Variants in GNB5 observed in about 807,000 individuals in gnomAD.
GNB5 encodes G protein subunit beta 5, also known as guanine nucleotide-binding protein subunit beta-5.
Under a neutral mutation model 55.3 loss-of-function variants are expected in GNB5, and 37 were observed. That is an observed-to-expected ratio of 0.67 (90% confidence interval 0.51 to 0.88). GNB5 has a LOEUF of 0.88. Among genes scored for constraint, GNB5 ranks in the 40% least tolerant of loss-of-function variants. The pLI is 0.00. For synonymous variants in GNB5, 219 were observed against 198.5 expected (o/e 1.10, Z -0.87); for missense variants, 476 against 515.3 (o/e 0.92, Z 0.74).
intron 7 of GNB5, chr15:52,138,685 T>C (rs1400532374): frequency 6.6e-6 from 1 of 152,216 alleles, no homozygotes; most frequent in Admixed American, 6.5e-5. Context: ...TCCAACTCAC[T>C]GCTTTCCTAA....
At chr15:52,183,536 A>G (rs569748778) in intron 2 of GNB5, among the ~76,000 whole-genome samples, 17 of 152,230 alleles carry the variant, frequency 1.1e-4, no homozygotes, top group South Asian at 6.2e-4. Context: ...TTTACTTGCT[A>G]TTTGCTTTAA....
In GNB5 at chr15:52,122,728, G is replaced by A. The variant is rs1467396735; in HGVS notation, c.*29C>T. Reference sequence around the variant, plus strand: ...ACATGTGAAGATTTCAAATTCTCAGGTATACATGAGTGCACTGTCAGAAGA... The same window carrying A: ...ACATGTGAAGATTTCAAATTCTCAGATATACATGAGTGCACTGTCAGAAGA... On this transcript the variant is annotated 3_prime_UTR_variant, in exon 13 of 13. Transcript: ENST00000261837. The A allele has an allele frequency of 1.9e-6, 3 of 1,546,010 alleles. No homozygotes were observed. Among genetic ancestry groups the A allele is most frequent in the African/African-American group, 2.7e-5 (2 of 73,632 alleles).
At chr15:52,180,035 T>G in intron 2 of GNB5, 156 bp from the exon 3 acceptor site, 1 of 1,011,314 alleles carries the variant, frequency 9.9e-7, no homozygotes, top group Non-Finnish European at 1.3e-6. Context: ...CTGCTGCGCC[T>G]GAGCCCCAAG....
intron 3 of GNB5, 105 bp from the exon 4 acceptor site, chr15:52,154,181 G>A: frequency 9.9e-7 from 1 of 1,009,264 alleles, no homozygotes; most frequent in Non-Finnish European, 1.4e-6. Flanking sequence ...CGGCCCCATG[G>A]GCTTCCTCCA....
chr15:52,184,635 A>G lies in GNB5; in HGVS notation c.42T>C (p.Cys14=). The change falls in exon 2 of 13, where the codon TGT becomes TGC. Residue 14 remains cysteine, a synonymous_variant. Coordinates refer to ENST00000261837, the MANE Select transcript of GNB5 (RefSeq NM_016194.4). The part of the protein sequence containing the change: ...QTFLVNVFGS[C]DKCFKQRALR... ...GAGCTCGTTGTTTGAAACATTTGTC[A>G]CATGAGCCAAATACATTAACGAGAA... 1 of 1,612,718 alleles carries G rather than the reference A, an allele frequency of 6.2e-7. No homozygotes were observed. The highest frequency in any genetic ancestry group is 8.5e-7 in the Non-Finnish European group (1 of 1,178,622).
At chr15:52,160,073 G>C (rs1490402561) in intron 3 of GNB5, among the ~76,000 whole-genome samples, 1 of 151,612 alleles carries the variant, frequency 6.6e-6, no homozygotes, top group East Asian at 1.9e-4. Flanking sequence ...TCAGCCTCCT[G>C]AGTAGCTGGA....
chr15:52,135,798 T>G, intron 7 of GNB5, 42 bp from the exon 8 acceptor site: 4 of 1,604,842 alleles, frequency 2.5e-6, no homozygotes, highest in Non-Finnish European at 3.4e-6. Context: ...TTGTGGTTAT[T>G]GCTTATGCCG....
rs370908779 is a variant in GNB5 at position 52,147,524 on chromosome 15, G to A, written c.429C>T (p.Val143=). 4 of 1,589,624 alleles carry A rather than the reference G, an allele frequency of 2.5e-6. No homozygotes were observed. The highest frequency in any genetic ancestry group is 2.7e-5 in the African/African-American group (2 of 73,974). The change falls in exon 6 of 13, where the codon GTC becomes GTT. Residue 143 remains valine (V), a synonymous_variant. Coordinates refer to ENST00000261837, the MANE Select transcript of GNB5 (RefSeq NM_016194.4). ...DSFTTNKEHA[V]TMPCTWVMAC... Reference sequence around the variant, plus strand: ...CCATCACCCACGTGCAGGGCATGGTGACCGCGTGCTCCTGAAACACAGCAC... The same window carrying A: ...CCATCACCCACGTGCAGGGCATGGTAACCGCGTGCTCCTGAAACACAGCAC...
intron 3 of GNB5, among the ~76,000 whole-genome samples, chr15:52,178,201 G>A (rs561968852): frequency 2.0e-5 from 3 of 152,142 alleles, no homozygotes; most frequent in Non-Finnish European, 4.4e-5. Flanking sequence ...GGGGGAATCC[G>A]GGTCCCAACA....
At chr15:52,146,018 G>A (rs1240263173) in intron 6 of GNB5, among the ~76,000 whole-genome samples, 4 of 146,032 alleles carry the variant, frequency 2.7e-5, no homozygotes, top group African/African-American at 7.6e-5. Flanking sequence ...GTGCAGTGGC[G>A]CGATCTTGGC....
At chr15:52,125,640 G>A in intron 11 of GNB5, 1 of 215,812 alleles carries the variant, frequency 4.6e-6, no homozygotes. Context: ...GGCATGAAGA[G>A]AAGCAAAGGC....
intron 9 of GNB5, among the ~76,000 whole-genome samples, chr15:52,130,087 G>A (rs560301088): frequency 6.6e-6 from 1 of 152,278 alleles, no homozygotes; most frequent in African/African-American, 2.4e-5. Flanking sequence ...GGCCAGTGGG[G>A]GCAGGAGACT....
intron 3 of GNB5, among the ~76,000 whole-genome samples, chr15:52,172,532 C>A (rs555731275): frequency 6.6e-6 from 1 of 152,128 alleles, no homozygotes; most frequent in Admixed American, 6.5e-5. Flanking sequence ...GTAATCCCAG[C>A]ACTTTGGGAG....
intron 4 of GNB5, 117 bp from the exon 5 acceptor site, chr15:52,150,042 G>A: frequency 1.3e-6 from 1 of 766,660 alleles, no homozygotes; most frequent in Non-Finnish European, 2.3e-6. Context: ...CCAGAATGAG[G>A]ATCTGGATAA....
rs769678000 is a variant in GNB5, at chr15:52,117,100, A to C, written c.*5657T>G. 1 of 84,222 alleles carries C rather than the reference A, an allele frequency of 1.2e-5. No homozygotes were observed. Among genetic ancestry groups the C allele is most frequent in the Non-Finnish European group, 2.0e-5 (1 of 50,706 alleles). The allele number at this position is 84,222 out of a possible 1,614,324, so 5.2% of individuals were successfully genotyped here. On this transcript the variant is annotated 3_prime_UTR_variant, in exon 13 of 13. Transcript: ENST00000261837. ...CACCACGCCCAGCTAATATATATAT[A>C]TATTTTTTTTTAGTACAGACAGGGT...
intron 3 of GNB5, among the ~76,000 whole-genome samples, chr15:52,159,125 T>C (rs144929386): frequency 2.2e-3 from 336 of 152,244 alleles, no homozygotes; most frequent in Non-Finnish European, 3.8e-3. Context: ...TCAATATTTT[T>C]TAGGGGTGGA....
intron 3 of GNB5, among the ~76,000 whole-genome samples, chr15:52,177,044 T>C (rs1001714614): frequency 6.9e-6 from 1 of 144,994 alleles, no homozygotes; most frequent in Non-Finnish European, 1.5e-5. Context: ...TTTTTTTTTT[T>C]TTTTTTTTGA....
In GNB5 at chr15:52,126,284, C is replaced by A. The variant is rs563752694; in HGVS notation, c.913-240G>T. On this transcript the variant is annotated intron_variant, in intron 10 of 12. Transcript: ENST00000261837. ...GTCAGTAAAGAAACGGCAAATACAG[C>A]AAATTTCTTCAGGTATAAAAACAAA... Among the ~76,000 whole-genome samples, 8 of 152,268 alleles carry A rather than the reference C, an allele frequency of 5.3e-5. No individual in the cohort carries two copies. The South Asian group carries it at 1.2e-3, about 24-fold the overall frequency.
intron 3 of GNB5, among the ~76,000 whole-genome samples, chr15:52,154,613 G>C (rs1437941618): frequency 1.3e-5 from 2 of 152,130 alleles, no homozygotes; most frequent in African/African-American, 4.8e-5. Flanking sequence ...GTTCCAACAG[G>C]ACTATAAGGT....
Sources: gnomAD v4.1 joint callset for allele counts (sites outside exome capture counted in the v4.1 genomes callset) on GRCh38, gnomAD v4.1.1 for gene constraint, MANE v1.5 for transcripts, NCBI Gene and HGNC (gene_info 2026-07-23, HGNC 2026-07-21) for gene names.